The following TMEM87B variants were observed in gnomAD, a reference collection of about 807,000 sequenced individuals.
The protein encoded by TMEM87B is transmembrane protein 87B.
In TMEM87B, 83 loss-of-function variants were observed where a neutral mutation model predicts 80.3. That is an observed-to-expected ratio of 1.03 (90% CI 0.87 to 1.24). The LOEUF (loss-of-function observed/expected upper bound fraction) is 1.24. Among genes scored for constraint, TMEM87B ranks in the 50% most tolerant of loss-of-function variants. The pLI, the probability that TMEM87B is intolerant of heterozygous loss-of-function variation, is 0.00. For missense variants in TMEM87B, 625 were observed against 674.4 expected, an observed-to-expected ratio of 0.93 and a Z score of 0.81; for synonymous variants, 219 against 230.5, an observed-to-expected ratio of 0.95 and a Z score of 0.45.
intron 10 of TMEM87B, 104 bp downstream of exon 10, chr2:112,089,822 G>A (rs1209769374): frequency 9.1e-7 from 1 of 1,097,608 alleles, no homozygotes; most frequent in Non-Finnish European, 1.4e-6. Flanking sequence ...TTGTGAAAAA[G>A]GCCCAATTTG....
chr2:112,084,872 C>T (rs1188361213), intron 8 of TMEM87B, among the ~76,000 whole-genome samples: 2 of 152,204 alleles, frequency 1.3e-5, no homozygotes, highest in African/African-American at 4.8e-5. Context: ...ATAAAGCCAT[C>T]CATTTTATTC....
chr2:112,067,145 G>A (rs765114401), intron 4 of TMEM87B, 78 bp downstream of exon 4: 219 of 1,533,214 alleles, frequency 1.4e-4, no homozygotes, highest in East Asian at 4.3e-4. Flanking sequence ...ATGTTTTATC[G>A]GAATTTTGAT....
intron 4 of TMEM87B, among the ~76,000 whole-genome samples, chr2:112,068,163 G>A (rs946719585): frequency 6.6e-6 from 1 of 152,084 alleles, no homozygotes; most frequent in African/African-American, 2.4e-5. Context: ...GCAGTGAGCC[G>A]AGATCACGCC....
At chr2:112,066,268 A>C (rs1207955015) in intron 3 of TMEM87B, among the ~76,000 whole-genome samples, 2 of 151,420 alleles carry the variant, frequency 1.3e-5, no homozygotes, top group East Asian at 3.9e-4. Context: ...CACTCTCTCT[A>C]CTCCCCTAAT....
chr2:112,081,933 AG>A (rs1206677790), intron 8 of TMEM87B, among the ~76,000 whole-genome samples: 1 of 152,136 alleles, frequency 6.6e-6, no homozygotes, highest in Non-Finnish European at 1.5e-5. Flanking sequence ...GAGTAAAATC[AG>A]GGGTGCTGGA....
intron 6 of TMEM87B, among the ~76,000 whole-genome samples, chr2:112,078,062 T>A (rs1678875871): frequency 6.6e-6 from 1 of 152,130 alleles, no homozygotes; most frequent in Admixed American, 6.5e-5. Context: ...TGCATGGCCC[T>A]TGGAGGGAAG....
chr2:112,079,443 TTTC>T (rs1257825011), intron 6 of TMEM87B, among the ~76,000 whole-genome samples: 6 of 152,186 alleles, frequency 3.9e-5, no homozygotes, highest in Non-Finnish European at 4.4e-5. Flanking sequence ...ATGACAGAAT[TTTC>T]TTCTTTTTAA....
chr2:112,085,931 A>G lies in TMEM87B; in HGVS notation c.839-74A>G, dbSNP rs1558840186. 5.0e-6 allele frequency: 6 copies of G among 1,210,208 alleles called. No individual in the cohort carries two copies. In the East Asian group the frequency reaches 1.2e-4, roughly 24 times the overall value. 75.0% of individuals were successfully genotyped at this position (1,210,208 alleles called of 1,614,324 possible). ...GTTCGAATGTAGTTATACACAGGAC[A>G]TGTTGTTGAGAATCTTGGTTGGCAG... On this transcript the variant is annotated intron_variant, in intron 8 of 18. Transcript: ENST00000283206.
intron 4 of TMEM87B, among the ~76,000 whole-genome samples, chr2:112,071,899 G>A (rs754974336): frequency 6.6e-6 from 1 of 152,160 alleles, no homozygotes; most frequent in Non-Finnish European, 1.5e-5. Context: ...TGCCCATTAA[G>A]TATGATGTTG....
chr2:112,067,226 A>AT (rs1446939657), intron 4 of TMEM87B, among the ~76,000 whole-genome samples, 159 bp downstream of exon 4: 3 of 152,224 alleles, frequency 2.0e-5, no homozygotes, highest in African/African-American at 7.2e-5. Flanking sequence ...GTATCAACTG[A>AT]AGTACTGTTT....
intron 17 of TMEM87B, among the ~76,000 whole-genome samples, chr2:112,108,328 G>A (rs989001841): frequency 1.3e-5 from 2 of 152,104 alleles, no homozygotes; most frequent in Admixed American, 6.5e-5. Flanking sequence ...AGCCAAGTAT[G>A]ATAAAATTTT....
intron 15 of TMEM87B, among the ~76,000 whole-genome samples, chr2:112,101,033 T>G (rs1220483952): frequency 6.6e-6 from 1 of 152,216 alleles, no homozygotes; most frequent in East Asian, 1.9e-4. Flanking sequence ...TCTTGCTCTT[T>G]TTAAAGTATG....
Position 112,055,612 on chromosome 2 carries a change from G to C in TMEM87B, c.21G>C (p.Ser7=), listed in dbSNP as rs1195340135. The C allele has an allele frequency of 3.3e-6, 5 of 1,533,858 alleles. No individual in the cohort carries two copies. Among genetic ancestry groups the C allele is most frequent in the Non-Finnish European group, 4.4e-6 (5 of 1,142,354 alleles). The change falls in exon 1 of 19, where the codon TCG becomes TCC. Residue 7 remains serine, a synonymous_variant. Transcript: ENST00000283206. MVAACR[S]VAGLLPRRRR... ...TCAAGATGGTCGCCGCCTGCCGCTC[G>C]GTAGCCGGGCTCCTGCCACGCCGCC... is the stretch of plus-strand genomic sequence containing the variant.
chr2:112,078,673 G>A (rs189780821), intron 6 of TMEM87B, among the ~76,000 whole-genome samples: 37 of 152,272 alleles, frequency 2.4e-4, no homozygotes, highest in Admixed American at 5.9e-4. Flanking sequence ...TGACACCAGC[G>A]GGCAGTTTTG....
chr2:112,076,425 C>T (rs374019570), intron 5 of TMEM87B, among the ~76,000 whole-genome samples: 4 of 152,084 alleles, frequency 2.6e-5, no homozygotes, highest in African/African-American at 4.8e-5. Context: ...CTGCAACCTC[C>T]GCCTCCCAAG....
At chr2:112,069,309 A>G (rs918386184) in intron 4 of TMEM87B, among the ~76,000 whole-genome samples, 5 of 150,292 alleles carry the variant, frequency 3.3e-5, no homozygotes, top group South Asian at 4.2e-4. Context: ...CTGCTCCTCT[A>G]CCTCCTCCCA....
chr2:112,112,627 G>A (rs938307719), intron 17 of TMEM87B, among the ~76,000 whole-genome samples: 2 of 152,200 alleles, frequency 1.3e-5, no homozygotes, highest in Non-Finnish European at 2.9e-5. Context: ...TCCCTCAATA[G>A]ATCATCCATT....
intron 9 of TMEM87B, among the ~76,000 whole-genome samples, chr2:112,089,005 C>T (rs984478541): frequency 5.9e-5 from 9 of 152,290 alleles, no homozygotes; most frequent in South Asian, 2.1e-4. Flanking sequence ...AAGTAATGTG[C>T]GTACCTTGGC....
At chr2:112,096,006 C>T (rs764219978) in intron 11 of TMEM87B, among the ~76,000 whole-genome samples, 51 of 152,084 alleles carry the variant, frequency 3.4e-4, no homozygotes, top group Non-Finnish European at 5.9e-4. Context: ...AAGATTAAGA[C>T]ACCCCCCTCC....
Sources: gnomAD v4.1 joint callset for allele counts (sites outside exome capture counted in the v4.1 genomes callset) on GRCh38, gnomAD v4.1.1 for gene constraint, MANE v1.5 for transcripts, NCBI Gene and HGNC (gene_info 2026-07-23, HGNC 2026-07-21) for gene names.